The following PCDH15 variants were observed in gnomAD, a reference collection of about 807,000 sequenced individuals.
PCDH15 encodes protocadherin related 15.
PCDH15 carries 129 observed loss-of-function variants against 178.5 expected under a neutral mutation model. The observed-to-expected ratio is 0.72, with a 90% CI of 0.63 to 0.84. The LOEUF (loss-of-function observed/expected upper bound fraction) is 0.84. Among genes scored for constraint, PCDH15 ranks in the 40% least tolerant of loss-of-function variants. The pLI, the probability that PCDH15 is intolerant of heterozygous loss-of-function variation, is 0.00. For synonymous variants in PCDH15, 800 were observed against 732.0 expected, an observed-to-expected ratio of 1.09 and a Z score of -1.50; for missense variants, 2,230 against 2,099.9, an observed-to-expected ratio of 1.06 and a Z score of -1.21.
chr10:54,526,226 A>G (rs561923659), intron 3 of PCDH15, among the ~76,000 whole-genome samples: 3 of 152,338 alleles, frequency 2.0e-5, no homozygotes, highest in East Asian at 3.9e-4. Flanking sequence ...TGCTATAATT[A>G]CCTAGTTGGC....
intron 13 of PCDH15, among the ~76,000 whole-genome samples, chr10:54,171,040 C>T (rs541402960): frequency 0.014 from 2,059 of 152,202 alleles, 46 homozygotes; most frequent in African/African-American, 0.047. Flanking sequence ...TAGGTAGATA[C>T]TTTCACTGGA....
intron 2 of PCDH15, among the ~76,000 whole-genome samples, chr10:55,541,288 C>T (rs1466513482): frequency 6.6e-6 from 1 of 151,976 alleles, no homozygotes; most frequent in African/African-American, 2.4e-5. Context: ...GGTATGTTGA[C>T]TCTGGTGCCA....
At chr10:54,830,270 A>G (rs1050786292) in intron 3 of PCDH15, among the ~76,000 whole-genome samples, 1 of 152,152 alleles carries the variant, frequency 6.6e-6, no homozygotes, top group Non-Finnish European at 1.5e-5. Context: ...TGCTGCTATA[A>G]AGACACATGC....
In PCDH15 at chr10:54,288,487, T is replaced by C. The variant is rs1308419926; in HGVS notation, c.876+28784A>G. On this transcript the variant is annotated intron_variant, in intron 8 of 37. Transcript: ENST00000644397. ...GATGGGTGATTTCTGCATTTCCAAC[T>C]GAGGTACTGGTTCATCTCACTGGTT... Among the ~76,000 whole-genome samples the C allele has an allele frequency of 3.3e-5, 5 of 152,124 alleles. No individual in the cohort carries two copies. The East Asian group carries it at 9.7e-4, about 29-fold the overall frequency.
chr10:54,169,969 C>T (rs1396226502), intron 13 of PCDH15, among the ~76,000 whole-genome samples: 1 of 151,142 alleles, frequency 6.6e-6, no homozygotes, highest in African/African-American at 2.4e-5. Context: ...TCCTCAGTAC[C>T]TGCCTCTATA....
intron 2 of PCDH15, among the ~76,000 whole-genome samples, chr10:55,397,959 T>C (rs1837970127): frequency 6.6e-6 from 1 of 152,182 alleles, no homozygotes. Flanking sequence ...AGGTAACTAA[T>C]GTCTCCAAAG....
At chr10:55,557,923 C>T (rs892783024) in intron 2 of PCDH15, among the ~76,000 whole-genome samples, 2 of 152,012 alleles carry the variant, frequency 1.3e-5, no homozygotes, top group African/African-American at 4.8e-5. Context: ...TGGGGAAAAC[C>T]TATTTGATGG....
intron 13 of PCDH15, among the ~76,000 whole-genome samples, chr10:54,174,697 C>CTTT (rs754597400): frequency 3.1e-4 from 22 of 70,748 alleles, no homozygotes; most frequent in African/African-American, 7.7e-4. Context: ...TTTTCTTTTT[C>CTTT]TTTTCTTTTT....
In PCDH15 at chr10:54,507,558, C is replaced by A. The variant is rs12773546; in HGVS notation, c.157+20254G>T. ...ACTTGCAGCTAATATTTATTAGATT[C>A]TTTTTGCTTCATAAAGTGCATAACA... On this transcript the variant is annotated intron_variant, in intron 3 of 37. Transcript: ENST00000644397. Among the ~76,000 whole-genome samples the A allele has an allele frequency of 5.0e-3, 757 of 151,894 alleles. 9 individuals are homozygous for A. Among genetic ancestry groups the A allele is most frequent in the Non-Finnish European group, 5.7e-3 (390 of 67,836 alleles).
chr10:55,433,040 A>G (rs1307848496), intron 2 of PCDH15, among the ~76,000 whole-genome samples: 1 of 60,072 alleles, frequency 1.7e-5, no homozygotes, highest in Non-Finnish European at 2.5e-5. Context: ...ACAAAACAAA[A>G]CAAAACAAAA....
At chr10:55,152,117 C>T (rs1285734249) in intron 2 of PCDH15, among the ~76,000 whole-genome samples, 3 of 152,032 alleles carry the variant, frequency 2.0e-5, no homozygotes, top group Non-Finnish European at 2.9e-5. Context: ...ATATAGATCG[C>T]TTTTCTGAAA....
At chr10:55,043,890 G>C (rs941939552) in intron 2 of PCDH15, among the ~76,000 whole-genome samples, 1 of 152,076 alleles carries the variant, frequency 6.6e-6, no homozygotes, top group Non-Finnish European at 1.5e-5. Flanking sequence ...AGGGATATGA[G>C]AGGGTATTTG....
chr10:55,579,924 TC>T (rs1156575813), intron 2 of PCDH15, among the ~76,000 whole-genome samples: 1 of 152,196 alleles, frequency 6.6e-6, no homozygotes, highest in Middle Eastern at 3.2e-3. Flanking sequence ...TGGCGCAATC[TC>T]AGCTCACTGC....
chr10:54,131,462 A>G lies in PCDH15; in HGVS notation c.1917+1413T>C, dbSNP rs140463705. Among the ~76,000 whole-genome samples, 959 of 152,152 alleles carry G rather than the reference A, an allele frequency of 6.3e-3. 13 individuals are homozygous for G. Among genetic ancestry groups the G allele is most frequent in the African/African-American group, 0.022 (911 of 41,530 alleles). ...TATTTGATTTTTTCTATTCTTTATC[A>G]TTACAATACTTTGACTTTTTTTTCC... On this transcript the variant is annotated intron_variant, in intron 15 of 37. Coordinates refer to ENST00000644397, the MANE Select transcript of PCDH15 (RefSeq NM_001384140.1).
At chr10:54,638,074 G>A (rs1490023333) in intron 2 of PCDH15, among the ~76,000 whole-genome samples, 2 of 151,838 alleles carry the variant, frequency 1.3e-5, no homozygotes, top group Non-Finnish European at 1.5e-5. Flanking sequence ...TGTCCTTCAT[G>A]GAAACAGGGA....
At chr10:55,570,049 T>C (rs906676339) in intron 2 of PCDH15, among the ~76,000 whole-genome samples, 4 of 152,014 alleles carry the variant, frequency 2.6e-5, no homozygotes, top group Admixed American at 6.6e-5. Context: ...AGCTTTTTTT[T>C]CTCAAACATG....
intron 2 of PCDH15, among the ~76,000 whole-genome samples, chr10:55,148,417 G>A (rs2799597): frequency 0.9 from 136,851 of 151,828 alleles, 62,353 homozygotes; most frequent in Non-Finnish European, 0.97. Flanking sequence ...TTTTTCTGAC[G>A]TTGTGGACTA....
At chr10:54,895,417 C>T (rs767447948) in intron 3 of PCDH15, among the ~76,000 whole-genome samples, 2 of 152,132 alleles carry the variant, frequency 1.3e-5, no homozygotes, top group African/African-American at 2.4e-5. Context: ...CTTCATTGTA[C>T]TATACTCAGA....
chr10:54,630,392 G>A (rs1301765707), intron 2 of PCDH15, among the ~76,000 whole-genome samples: 1 of 152,058 alleles, frequency 6.6e-6, no homozygotes, highest in African/African-American at 2.4e-5. Flanking sequence ...CAACAGACTC[G>A]ACAAAAATTA....
Sources: gnomAD v4.1 joint callset for allele counts (sites outside exome capture counted in the v4.1 genomes callset) on GRCh38, gnomAD v4.1.1 for gene constraint, MANE v1.5 for transcripts, NCBI Gene and HGNC (gene_info 2026-07-23, HGNC 2026-07-21) for gene names.